The following FAT3 variants were observed in gnomAD, a reference collection of about 807,000 sequenced individuals.
The protein encoded by FAT3 is FAT atypical cadherin 3, also known as protocadherin Fat 3.
FAT3 carries 95 observed loss-of-function variants against 310.2 expected under a neutral mutation model. The observed-to-expected ratio is 0.31, with a 90% CI of 0.26 to 0.36. The LOEUF is 0.36. FAT3 is among the 10% of genes least tolerant of loss of function. The probability of loss-of-function intolerance (pLI) is 1.00; values close to 1 mark genes in which losing one functional copy is unlikely to be tolerated. For synonymous variants in FAT3, 2,314 were observed against 2,192.9 expected, an observed-to-expected ratio of 1.06 and a Z score of -1.54; for missense variants, 5,408 against 5,715.6, an observed-to-expected ratio of 0.95 and a Z score of 1.74.
chr11:92,833,541 A>G (rs1363635722), intron 14 of FAT3, among the ~76,000 whole-genome samples: 1 of 152,198 alleles, frequency 6.6e-6, no homozygotes, highest in Non-Finnish European at 1.5e-5. Flanking sequence ...TCGAACTCAG[A>G]TCTTTCTGAC....
intron 3 of FAT3, among the ~76,000 whole-genome samples, chr11:92,562,083 C>T (rs551792): frequency 0.15 from 23,033 of 152,054 alleles, 1,944 homozygotes; most frequent in East Asian, 0.29. Flanking sequence ...ATGGTTTCAC[C>T]TCCCCACAGG....
chr11:92,635,423 A>C (rs1005501319), intron 3 of FAT3, among the ~76,000 whole-genome samples: 1 of 152,208 alleles, frequency 6.6e-6, no homozygotes, highest in Non-Finnish European at 1.5e-5. Context: ...GTACAATGAA[A>C]TATATTTGAT....
intron 3 of FAT3, among the ~76,000 whole-genome samples, chr11:92,633,893 G>T (rs12284431): frequency 0.028 from 4,216 of 152,270 alleles, 217 homozygotes; most frequent in African/African-American, 0.096. Context: ...AGGATAGAAA[G>T]ATTAATGTAT....
chr11:92,880,848 T>C lies in FAT3; in HGVS notation c.12245T>C (p.Phe4082Ser), dbSNP rs1318134686. 15 of 1,613,862 alleles carry C rather than the reference T, an allele frequency of 9.3e-6. No individual in the cohort carries two copies. The highest frequency in any genetic ancestry group is 8.3e-5 in the Admixed American group (5 of 60,000). ...GGSCDPIGNT[F>S]ICNCKAGLTG... ...TCCTGCGATCCAATAGGAAACACTT[T>C]CATCTGCAATTGTAAAGCTGGGCTC... Residue 4082 changes from phenylalanine (F) to serine (S), a missense_variant, in exon 23 of 28, where the codon TTC becomes TCC. Physicochemically the swap from Phe to Ser is radical, Grantham distance 155. Coordinates refer to ENST00000525166, the MANE Select transcript of FAT3 (RefSeq NM_001367949.2).
intron 4 of FAT3, among the ~76,000 whole-genome samples, chr11:92,710,830 G>T (rs1054136773): frequency 3.3e-5 from 5 of 152,226 alleles, no homozygotes; most frequent in Non-Finnish European, 5.9e-5. Flanking sequence ...GCATCAACAT[G>T]TAAGGAAGAG....
At chr11:92,350,831 CT>C (rs1948544712) in intron 1 of FAT3, among the ~76,000 whole-genome samples, 1 of 152,126 alleles carries the variant, frequency 6.6e-6, no homozygotes, top group African/African-American at 2.4e-5. Context: ...CATTTTCCAT[CT>C]CCTCTCATCT....
intron 3 of FAT3, among the ~76,000 whole-genome samples, chr11:92,689,670 G>A (rs999017623): frequency 7.2e-5 from 11 of 152,110 alleles, no homozygotes; most frequent in African/African-American, 2.4e-4. Context: ...ATGGGAGTGG[G>A]AAGTATCCAG....
intron 1 of FAT3, among the ~76,000 whole-genome samples, chr11:92,337,074 AT>A (rs1489322688): frequency 3.9e-5 from 6 of 152,156 alleles, no homozygotes; most frequent in Admixed American, 6.5e-5. Flanking sequence ...GCCTCTTAAC[AT>A]CCCTGACTCT....
At chr11:92,340,004 C>T (rs764733050) in intron 1 of FAT3, among the ~76,000 whole-genome samples, 70 of 146,278 alleles carry the variant, frequency 4.8e-4, no homozygotes, top group Non-Finnish European at 8.6e-4. Flanking sequence ...CCCAGCTACT[C>T]GGGAGGCTGA....
At chr11:92,532,224 C>T (rs1954106000) in intron 3 of FAT3, among the ~76,000 whole-genome samples, 1 of 152,054 alleles carries the variant, frequency 6.6e-6, no homozygotes, top group African/African-American at 2.4e-5. Flanking sequence ...AGGAATGTTA[C>T]ACAAAGAGGC....
chr11:92,509,488 A>G (rs1288450473), intron 2 of FAT3, among the ~76,000 whole-genome samples: 1 of 152,208 alleles, frequency 6.6e-6, no homozygotes, highest in Non-Finnish European at 1.5e-5. Flanking sequence ...AGTAAATGGT[A>G]AACATCACAT....
chr11:92,306,566 A>G (rs1947124375), intron 1 of FAT3, among the ~76,000 whole-genome samples: 1 of 127,994 alleles, frequency 7.8e-6, no homozygotes, highest in African/African-American at 3.0e-5. Context: ...ATATATTTAT[A>G]TTATATATTA....
intron 4 of FAT3, among the ~76,000 whole-genome samples, chr11:92,739,894 C>G (rs1945455834): frequency 6.6e-6 from 1 of 152,222 alleles, no homozygotes; most frequent in South Asian, 2.1e-4. Flanking sequence ...ATTCATTGCT[C>G]ACTTTTCTCC....
Position 92,801,887 on chromosome 11 carries a change from C to T in FAT3, c.8874C>T (p.Arg2958=). ...TWDRDTSDVN[R]QVSYHITGGN... is the part of the protein sequence containing the mutation. ...ACAGAGACACATCCGACGTTAATCG[C>T]CAAGTGAGCTACCATATTACAGGTG... is the stretch of plus-strand genomic sequence containing the variant. Residue 2958 remains arginine, a synonymous_variant, in exon 10 of 28, where the codon CGC becomes CGT. Transcript: ENST00000525166. The T allele has an allele frequency of 1.2e-6, 2 of 1,613,740 alleles. No homozygotes were observed.
At chr11:92,499,161 C>T (rs1277812611) in intron 2 of FAT3, among the ~76,000 whole-genome samples, 2 of 151,962 alleles carry the variant, frequency 1.3e-5, no homozygotes, top group Non-Finnish European at 2.9e-5. Context: ...CAACCTCTGA[C>T]CTTGAGTAGG....
intron 19 of FAT3, among the ~76,000 whole-genome samples, chr11:92,847,779 T>C (rs1948725837): frequency 6.6e-6 from 1 of 152,220 alleles, no homozygotes; most frequent in Non-Finnish European, 1.5e-5. Flanking sequence ...TTAATAGCAA[T>C]AGCTTTCTCA....
At chr11:92,792,026 CT>C (rs1279958081) in intron 8 of FAT3, among the ~76,000 whole-genome samples, 5 of 152,170 alleles carry the variant, frequency 3.3e-5, no homozygotes, top group African/African-American at 1.2e-4. Context: ...CAGCTCTAGG[CT>C]TTTGTATATA....
intron 4 of FAT3, among the ~76,000 whole-genome samples, chr11:92,711,106 T>C (rs1944506066): frequency 6.6e-6 from 1 of 152,180 alleles, no homozygotes; most frequent in Non-Finnish European, 1.5e-5. Flanking sequence ...TTTCCATAAA[T>C]TGATGATTGT....
chr11:92,694,799 C>A (rs1182619784), intron 3 of FAT3, among the ~76,000 whole-genome samples: 1 of 152,134 alleles, frequency 6.6e-6, no homozygotes, highest in Non-Finnish European at 1.5e-5. Flanking sequence ...ATGTCTCATT[C>A]CTATTGTGGA....
Sources: gnomAD v4.1 joint callset for allele counts (sites outside exome capture counted in the v4.1 genomes callset) on GRCh38, gnomAD v4.1.1 for gene constraint, MANE v1.5 for transcripts, NCBI Gene and HGNC (gene_info 2026-07-23, HGNC 2026-07-21) for gene names.